The following NUBPL variants were observed in gnomAD, a reference collection of about 807,000 sequenced individuals.
NUBPL encodes NUBP iron-sulfur cluster assembly factor, mitochondrial.
A neutral mutation model predicts 45.7 loss-of-function variants in NUBPL; 31 were observed. The ratio of observed to expected loss-of-function variants is 0.68; its 90% CI spans 0.51 to 0.92. The LOEUF (loss-of-function observed/expected upper bound fraction) is 0.92, where lower values mean the gene tolerates loss of function less well. Among genes scored for constraint, NUBPL ranks in the 40% least tolerant of loss-of-function variants. NUBPL has a pLI of 0.00. For synonymous variants in NUBPL, 144 were observed against 140.9 expected (o/e 1.02, Z -0.15); for missense variants, 401 against 398.7 (o/e 1.01, Z -0.05).
chr14:31,585,625 GCTA>G (rs1313257449), intron 3 of NUBPL, among the ~76,000 whole-genome samples: 1 of 152,176 alleles, frequency 6.6e-6, no homozygotes, highest in African/African-American at 2.4e-5. Context: ...CTGCCAGGCT[GCTA>G]TCCATATTTC....
At chr14:31,775,633 T>G (rs1197395514) in intron 6 of NUBPL, among the ~76,000 whole-genome samples, 2 of 152,202 alleles carry the variant, frequency 1.3e-5, no homozygotes, top group African/African-American at 4.8e-5. Context: ...TAATTCATTA[T>G]GCTGTCTATA....
rs140324150 is a variant in NUBPL at position 31,656,635 on chromosome 14, A to G, written c.383-16720A>G. Reference sequence around the variant, plus strand: ...TCAGTCGAGCAGTCAGAACACACACACAACATATATTGAATAGGTTTGCAT... The same window carrying G: ...TCAGTCGAGCAGTCAGAACACACACGCAACATATATTGAATAGGTTTGCAT... On this transcript the variant is annotated intron_variant, in intron 4 of 10. Transcript: ENST00000281081. Among the ~76,000 whole-genome samples, 435 of 152,300 alleles carry G rather than the reference A, an allele frequency of 2.9e-3. 2 individuals are homozygous for G. The highest frequency in any genetic ancestry group is 9.8e-3 in the African/African-American group (407 of 41,566).
rs565627313 is a variant in NUBPL, at chr14:31,751,076, C to T, written c.514-36704C>T. Among the ~76,000 whole-genome samples the T allele has an allele frequency of 2.6e-4, 40 of 152,196 alleles. No homozygotes were observed. The East Asian group carries it at 6.8e-3, about 26-fold the overall frequency. The stretch of plus-strand genomic sequence containing the variant: ...TATGAGAACAGCATGAGGAAAACCA[C>T]CTGCATGATTTGATCACCTCCCACC... On this transcript the variant is annotated intron_variant, in intron 6 of 10. Transcript: ENST00000281081.
intron 7 of NUBPL, among the ~76,000 whole-genome samples, chr14:31,789,247 A>T (rs2039337059): frequency 6.6e-6 from 1 of 152,104 alleles, no homozygotes. Context: ...AATGACGTGA[A>T]CCCAGGAGGC....
At chr14:31,647,494 G>C (rs2035887314) in intron 4 of NUBPL, among the ~76,000 whole-genome samples, 1 of 152,172 alleles carries the variant, frequency 6.6e-6, no homozygotes, top group Non-Finnish European at 1.5e-5. Flanking sequence ...TCTCAAATGG[G>C]GGAGGTCTCA....
At chr14:31,673,205 CAT>C in intron 4 of NUBPL, 148 bp from the exon 5 acceptor site, 3 of 643,790 alleles carry the variant, frequency 4.7e-6, no homozygotes, top group Non-Finnish European at 8.3e-6. Context: ...ACAATGTAGA[CAT>C]GTATCATAAC....
At chr14:31,812,245 G>C (rs1344483416) in intron 7 of NUBPL, among the ~76,000 whole-genome samples, 2 of 152,222 alleles carry the variant, frequency 1.3e-5, no homozygotes, top group African/African-American at 4.8e-5. Flanking sequence ...CCTGCCTCTA[G>C]AGGTGGAGCC....
At chr14:31,711,511 C>A (rs1002160740) in intron 6 of NUBPL, among the ~76,000 whole-genome samples, 1 of 151,974 alleles carries the variant, frequency 6.6e-6, no homozygotes, top group Non-Finnish European at 1.5e-5. Context: ...TACTGCTTGG[C>A]GATAGGTGAT....
intron 8 of NUBPL, chr14:31,845,000 G>A (rs1341686375): frequency 1.3e-5 from 2 of 152,108 alleles, no homozygotes; most frequent in African/African-American, 4.8e-5. Context: ...ATATATGTGG[G>A]GGATTGGTTC....
intron 4 of NUBPL, among the ~76,000 whole-genome samples, chr14:31,624,165 A>G (rs2035143802): frequency 6.6e-6 from 1 of 152,196 alleles, no homozygotes; most frequent in Non-Finnish European, 1.5e-5. Context: ...ATTGTGAGGT[A>G]TTAAAGAGAA....
chr14:31,824,930 G>A (rs1256137453), intron 7 of NUBPL, among the ~76,000 whole-genome samples: 2 of 151,810 alleles, frequency 1.3e-5, no homozygotes, highest in East Asian at 3.9e-4. Context: ...CATCTAGAGG[G>A]AACCACAAAA....
intron 6 of NUBPL, among the ~76,000 whole-genome samples, chr14:31,768,288 T>G (rs2038948802): frequency 6.6e-6 from 1 of 152,246 alleles, no homozygotes; most frequent in Non-Finnish European, 1.5e-5. Flanking sequence ...TACCTAAGGC[T>G]TTAATAAACA....
chr14:31,721,773 C>A (rs945815772), intron 6 of NUBPL, among the ~76,000 whole-genome samples: 2 of 152,032 alleles, frequency 1.3e-5, no homozygotes, highest in African/African-American at 4.8e-5. Context: ...CCCCATTCTC[C>A]ACCTTTAAGT....
At chr14:31,676,155 T>TG (rs1440557266) in intron 6 of NUBPL, among the ~76,000 whole-genome samples, 1 of 152,112 alleles carries the variant, frequency 6.6e-6, no homozygotes, top group Non-Finnish European at 1.5e-5. Flanking sequence ...TCTGAGTAGC[T>TG]GGGACTACAA....
chr14:31,591,512 T>A (rs1317186599), intron 3 of NUBPL, among the ~76,000 whole-genome samples: 1 of 152,152 alleles, frequency 6.6e-6, no homozygotes, highest in Admixed American at 6.5e-5. Context: ...TTGTAATAGA[T>A]TTTCTTTCAT....
chr14:31,620,194 A>C (rs540787695), intron 4 of NUBPL, among the ~76,000 whole-genome samples: 29 of 152,010 alleles, frequency 1.9e-4, no homozygotes, highest in African/African-American at 6.3e-4. Context: ...CGTTTTTTCA[A>C]GGTTCTTAGC....
At chr14:31,708,003 G>C (rs1222491508) in intron 6 of NUBPL, among the ~76,000 whole-genome samples, 1 of 152,210 alleles carries the variant, frequency 6.6e-6, no homozygotes, top group African/African-American at 2.4e-5. Context: ...CTGGGAGTCA[G>C]AGTGCGGGGG....
At chr14:31,575,963 TTTTATA>T (rs2033706528) in intron 3 of NUBPL, among the ~76,000 whole-genome samples, 4 of 152,224 alleles carry the variant, frequency 2.6e-5, no homozygotes, top group Admixed American at 1.3e-4. Flanking sequence ...AAGAAATGTG[TTTTATA>T]TTTATAAGTG....
At chr14:31,809,006 G>A (rs1595661439) in intron 7 of NUBPL, among the ~76,000 whole-genome samples, 2 of 152,248 alleles carry the variant, frequency 1.3e-5, no homozygotes, top group East Asian at 3.9e-4. Context: ...ATGTGCTGCT[G>A]GATTCGGTTT....
Sources: allele counts gnomAD v4.1 joint callset (sites outside exome capture counted in the v4.1 genomes callset), GRCh38; gene constraint gnomAD v4.1.1; transcripts MANE v1.5; gene names NCBI Gene and HGNC (gene_info 2026-07-23, HGNC 2026-07-21).